Variants in HSD17B12 observed in about 807,000 individuals in gnomAD.
The protein encoded by HSD17B12 is very-long-chain 3-oxoacyl-CoA reductase.
A neutral mutation model predicts 39.3 loss-of-function variants in HSD17B12; 32 were observed. The ratio of observed to expected loss-of-function variants is 0.81; its 90% CI spans 0.61 to 1.09. The LOEUF is 1.09. HSD17B12 is among the 50% of genes least tolerant of loss of function. The pLI is 0.00. For missense variants in HSD17B12, 342 were observed against 382.9 expected, an observed-to-expected ratio of 0.89 and a Z score of 0.89; for synonymous variants, 150 against 146.7, an observed-to-expected ratio of 1.02 and a Z score of -0.16.
chr11:43,699,878 A>G (rs1466942965), intron 1 of HSD17B12, among the ~76,000 whole-genome samples: 1 of 152,246 alleles, frequency 6.6e-6, no homozygotes, highest in Non-Finnish European at 1.5e-5. Context: ...GGTGCTCAAC[A>G]TCACTGATCA....
chr11:43,809,593 C>T lies in HSD17B12; in HGVS notation c.392-5844C>T, dbSNP rs11037655. Among the ~76,000 whole-genome samples, 597 of 152,230 alleles carry T rather than the reference C, an allele frequency of 3.9e-3. 6 individuals carry two copies. The East Asian group carries it at 0.044, about 11-fold the overall frequency. On this transcript the variant is annotated intron_variant, in intron 4 of 10. Coordinates refer to ENST00000278353, the MANE Select transcript of HSD17B12 (RefSeq NM_016142.3). Reference sequence around the variant, plus strand: ...CAGCACTTTGGGAGGCCAAGGCAGGCGGATCACCTGAGGTCAGGAGTTCAA... The same window carrying T: ...CAGCACTTTGGGAGGCCAAGGCAGGTGGATCACCTGAGGTCAGGAGTTCAA...
the HSD17B12 span, among the ~76,000 whole-genome samples, chr11:43,583,946 T>G: frequency 1.3e-5 from 2 of 152,078 alleles, no homozygotes; most frequent in African/African-American, 4.8e-5. Context: ...ACTTTGCCTA[T>G]GTTAAAAATC....
the HSD17B12 span, among the ~76,000 whole-genome samples, chr11:43,619,417 C>G: frequency 7.0e-6 from 1 of 142,402 alleles, no homozygotes; most frequent in Admixed American, 7.5e-5. Flanking sequence ...GAGATGGAGT[C>G]TCCTTCTTGT....
At chr11:43,672,343 C>A in the HSD17B12 span, among the ~76,000 whole-genome samples, 1 of 152,114 alleles carries the variant, frequency 6.6e-6, no homozygotes, top group Non-Finnish European at 1.5e-5. Flanking sequence ...GCCACCGCTC[C>A]CGGCCTAGCC....
intron 3 of HSD17B12, among the ~76,000 whole-genome samples, chr11:43,796,819 G>A (rs1470038455): frequency 7.0e-6 from 1 of 142,380 alleles, no homozygotes; most frequent in East Asian, 2.2e-4. Flanking sequence ...TTAATCAAAG[G>A]TATTTTTAAG....
At chr11:43,586,908 C>T in the HSD17B12 span, among the ~76,000 whole-genome samples, 2 of 152,194 alleles carry the variant, frequency 1.3e-5, no homozygotes, top group Non-Finnish European at 2.9e-5. Context: ...TTCAGAGATA[C>T]ACTTTCTGAC....
intron 1 of HSD17B12, among the ~76,000 whole-genome samples, chr11:43,717,686 G>C (rs1950136550): frequency 6.6e-6 from 1 of 152,144 alleles, no homozygotes; most frequent in Non-Finnish European, 1.5e-5. Flanking sequence ...TACTAGACTA[G>C]GTTGAGCTTC....
intron 9 of HSD17B12, among the ~76,000 whole-genome samples, chr11:43,844,981 G>T (rs1035640719): frequency 3.3e-5 from 5 of 151,130 alleles, no homozygotes; most frequent in Admixed American, 6.6e-5. Context: ...AAAATAAGGG[G>T]TTGTTTGTTT....
At chr11:43,681,834 C>CT (rs74652658) in intron 1 of HSD17B12, among the ~76,000 whole-genome samples, 9,876 of 142,188 alleles carry the variant, frequency 0.069, 388 homozygotes, top group Middle Eastern at 0.17. Flanking sequence ...TCCCCCCCCC[C>CT]TTTTTTTTTT....
chr11:43,843,122 A>G lies in HSD17B12; in HGVS notation c.684+3058A>G, dbSNP rs575433732. 4.5e-4 allele frequency among the ~76,000 whole-genome samples: 68 copies of G among 152,322 alleles called. 1 individual carries two copies. Among genetic ancestry groups the G allele is most frequent in the Middle Eastern group, 3.4e-3 (1 of 294 alleles). On this transcript the variant is annotated intron_variant, in intron 9 of 10. Transcript: ENST00000278353. ...TGTGTTTTGTCATATGAATTCATTCAAGGTTTAAACTTTGAATGAATTTGA... is the reference window on the plus strand; with the variant it reads ...TGTGTTTTGTCATATGAATTCATTCGAGGTTTAAACTTTGAATGAATTTGA...
intron 1 of HSD17B12, among the ~76,000 whole-genome samples, chr11:43,685,286 C>CTCAAGA (rs56119404): frequency 1.3e-5 from 2 of 152,224 alleles, no homozygotes; most frequent in African/African-American, 4.8e-5. Flanking sequence ...TGAAAACATG[C>CTCAAGA]ATCAAAGGAT....
At chr11:43,653,139 C>T in the HSD17B12 span, among the ~76,000 whole-genome samples, 6 of 152,050 alleles carry the variant, frequency 3.9e-5, no homozygotes, top group Non-Finnish European at 7.3e-5. Context: ...CCTGAAGAAT[C>T]TGTTTTCTTC....
chr11:43,561,588 C>T, the HSD17B12 span, among the ~76,000 whole-genome samples: 1 of 152,152 alleles, frequency 6.6e-6, no homozygotes, highest in Non-Finnish European at 1.5e-5. Context: ...GACCCTCCAT[C>T]GTTGGTTGAG....
chr11:43,560,389 T>C, the HSD17B12 span, among the ~76,000 whole-genome samples: 1 of 152,212 alleles, frequency 6.6e-6, no homozygotes, highest in Non-Finnish European at 1.5e-5. Context: ...ATTTTCAGCA[T>C]AGGTGTTTGG....
chr11:43,643,976 C>G, the HSD17B12 span, among the ~76,000 whole-genome samples: 1 of 152,146 alleles, frequency 6.6e-6, no homozygotes. Context: ...GTTTCTCTGT[C>G]AAGGATAATT....
At chr11:43,838,545 GT>G in intron 8 of HSD17B12, 147 bp downstream of exon 8, 1 of 632,482 alleles carries the variant, frequency 1.6e-6, no homozygotes, top group Admixed American at 2.7e-5. Flanking sequence ...CCCTACTTGA[GT>G]TTCAAAAGAA....
the HSD17B12 span, among the ~76,000 whole-genome samples, chr11:43,666,861 G>A: frequency 0.18 from 26,641 of 152,222 alleles, 2,723 homozygotes; most frequent in Middle Eastern, 0.27. Context: ...ACTCTTAAGA[G>A]TTGAGAATGA....
intron 3 of HSD17B12, among the ~76,000 whole-genome samples, chr11:43,767,980 G>A (rs912444111): frequency 6.6e-6 from 1 of 152,158 alleles, no homozygotes; most frequent in Non-Finnish European, 1.5e-5. Context: ...TGATTTAAAA[G>A]GCATCTCTGT....
At chr11:43,603,507 A>AGT in the HSD17B12 span, among the ~76,000 whole-genome samples, 1 of 152,208 alleles carries the variant, frequency 6.6e-6, no homozygotes, top group Non-Finnish European at 1.5e-5. Context: ...AATCATTCTA[A>AGT]GTAGAAGAAC....
Sources: allele counts gnomAD v4.1 joint callset (sites outside exome capture counted in the v4.1 genomes callset), GRCh38; gene constraint gnomAD v4.1.1; transcripts MANE v1.5; gene names NCBI Gene and HGNC (gene_info 2026-07-23, HGNC 2026-07-21).